Variants in CLVS1 observed in about 807,000 individuals in gnomAD.
CLVS1 encodes clavesin-1.
CLVS1 carries 10 observed loss-of-function variants against 33.1 expected under a neutral mutation model. That is an observed-to-expected ratio of 0.30 (90% confidence interval 0.19 to 0.51). The LOEUF (loss-of-function observed/expected upper bound fraction) is 0.51. Ranked by LOEUF, CLVS1 falls within the 20% of genes least tolerant of loss-of-function variation. CLVS1 has a pLI of 0.97. For synonymous variants in CLVS1, 163 were observed against 166.1 expected (o/e 0.98, Z 0.14); for missense variants, 343 against 433.4 (o/e 0.79, Z 1.85).
chr8:61,072,240 GTCC>G (rs2129280496), intron 1 of CLVS1, among the ~76,000 whole-genome samples: 1 of 152,250 alleles, frequency 6.6e-6, no homozygotes. Flanking sequence ...TGAGGCCTCT[GTCC>G]TCTGTCCACT....
At chr8:61,085,998 T>A (rs1404134304) in intron 1 of CLVS1, among the ~76,000 whole-genome samples, 2 of 118,144 alleles carry the variant, frequency 1.7e-5, no homozygotes, top group Admixed American at 2.4e-4. Flanking sequence ...ATCACGCCAC[T>A]GCACTCCAGC....
intron 3 of CLVS1, among the ~76,000 whole-genome samples, chr8:61,388,728 A>G (rs1324111524): frequency 6.6e-6 from 1 of 152,138 alleles, no homozygotes; most frequent in Non-Finnish European, 1.5e-5. Flanking sequence ...GATCAGGCTA[A>G]TTAGCATATC....
chr8:61,141,088 C>T (rs1806300202), intron 2 of CLVS1, among the ~76,000 whole-genome samples: 1 of 152,170 alleles, frequency 6.6e-6, no homozygotes, highest in East Asian at 1.9e-4. Flanking sequence ...CTGAACTCAT[C>T]TAAATGGGTG....
intron 1 of CLVS1, among the ~76,000 whole-genome samples, chr8:61,114,843 T>G (rs1472419999): frequency 1.3e-5 from 2 of 152,184 alleles, no homozygotes; most frequent in Non-Finnish European, 2.9e-5. Flanking sequence ...TCTCCTTCTA[T>G]TTTTTTGAAA....
At chr8:61,458,667 A>C in intron 5 of CLVS1, 125 bp downstream of exon 5, 2 of 657,650 alleles carry the variant, frequency 3.0e-6, no homozygotes, top group African/African-American at 1.8e-5. Context: ...ATAAATTGCA[A>C]TGCATTCTCA....
chr8:61,208,941 C>T (rs1807917185), intron 2 of CLVS1, among the ~76,000 whole-genome samples: 1 of 152,116 alleles, frequency 6.6e-6, no homozygotes. Context: ...TCCTAAGACA[C>T]AGCTGTGGGC....
the CLVS1 span, among the ~76,000 whole-genome samples, chr8:60,993,386 G>T: frequency 6.6e-6 from 1 of 152,228 alleles, no homozygotes; most frequent in Non-Finnish European, 1.5e-5. Flanking sequence ...CACTCTAGAA[G>T]TGGTTTCAGA....
intron 3 of CLVS1, among the ~76,000 whole-genome samples, chr8:61,399,723 G>A (rs1203718547): frequency 6.6e-6 from 1 of 152,128 alleles, no homozygotes; most frequent in Non-Finnish European, 1.5e-5. Context: ...ATGGTGTAAG[G>A]AATGGGTTCA....
At chr8:61,364,653 A>G (rs1455569989) in intron 2 of CLVS1, among the ~76,000 whole-genome samples, 2 of 152,224 alleles carry the variant, frequency 1.3e-5, no homozygotes, top group East Asian at 1.9e-4. Flanking sequence ...CAGATTCTCT[A>G]AGTTCAATCC....
chr8:61,053,189 T>A (rs1312700754), upstream of CLVS1, among the ~76,000 whole-genome samples: 1 of 151,644 alleles, frequency 6.6e-6, no homozygotes, highest in East Asian at 1.9e-4. Context: ...AGGGGTGGAG[T>A]CTGCAGTGCA....
rs1433450811 is a variant in CLVS1, at chr8:61,443,452, G to A, written c.631-10689G>A. The stretch of plus-strand genomic sequence containing the variant: ...TAAGTCAGGTATTTTTTTGTTTTTT[G>A]TTTTCTCTGTGGATGTCCTATTGCT... On this transcript the variant is annotated intron_variant, in intron 3 of 5. Transcript: ENST00000325897. 3.3e-5 allele frequency among the ~76,000 whole-genome samples: 5 copies of A among 151,442 alleles called. No homozygotes were observed. The East Asian group carries it at 9.6e-4, about 29-fold the overall frequency.
intron 2 of CLVS1, among the ~76,000 whole-genome samples, chr8:61,343,374 A>G (rs993764723): frequency 6.6e-6 from 1 of 152,212 alleles, no homozygotes; most frequent in Non-Finnish European, 1.5e-5. Context: ...AAGTCTAAAG[A>G]ATATAGATGA....
At chr8:61,222,752 ATCTG>A (rs1808244188) in intron 2 of CLVS1, among the ~76,000 whole-genome samples, 3 of 152,152 alleles carry the variant, frequency 2.0e-5, no homozygotes, top group Admixed American at 1.3e-4. Context: ...TGTCTTGTTG[ATCTG>A]TCTAATACTG....
chr8:61,289,667 T>C (rs1331126843), intron 1 of CLVS1, among the ~76,000 whole-genome samples: 1 of 152,246 alleles, frequency 6.6e-6, no homozygotes, highest in African/African-American at 2.4e-5. Flanking sequence ...TCGTTGTGTA[T>C]TTATTCTGCC....
intron 3 of CLVS1, among the ~76,000 whole-genome samples, chr8:61,435,158 G>A (rs1417371312): frequency 6.6e-6 from 1 of 152,148 alleles, no homozygotes; most frequent in Non-Finnish European, 1.5e-5. Flanking sequence ...CCCATGAGAA[G>A]GTTGGTGGGA....
At chr8:61,410,728 G>A (rs148381299) in intron 3 of CLVS1, among the ~76,000 whole-genome samples, 5 of 152,146 alleles carry the variant, frequency 3.3e-5, no homozygotes, top group African/African-American at 7.2e-5. Flanking sequence ...TGCAGCCTCC[G>A]CCTCCTGGGT....
At chr8:61,343,708 G>A (rs564101686) in intron 2 of CLVS1, among the ~76,000 whole-genome samples, 2 of 152,264 alleles carry the variant, frequency 1.3e-5, no homozygotes, top group East Asian at 3.9e-4. Flanking sequence ...GCTGAATATC[G>A]AAGTTCTCAC....
At chr8:61,407,275 T>C (rs1434459022) in intron 3 of CLVS1, among the ~76,000 whole-genome samples, 1 of 152,204 alleles carries the variant, frequency 6.6e-6, no homozygotes, top group Non-Finnish European at 1.5e-5. Flanking sequence ...TGGTCCATCA[T>C]CTGTAATTTC....
intron 3 of CLVS1, among the ~76,000 whole-genome samples, chr8:61,430,794 T>C (rs1816083916): frequency 6.6e-6 from 1 of 152,186 alleles, no homozygotes; most frequent in Admixed American, 6.5e-5. Context: ...TGCACTTGTT[T>C]TGCAGGATCT....
Sources: gnomAD v4.1 joint callset for allele counts (sites outside exome capture counted in the v4.1 genomes callset) on GRCh38, gnomAD v4.1.1 for gene constraint, MANE v1.5 for transcripts, NCBI Gene and HGNC (gene_info 2026-07-23, HGNC 2026-07-21) for gene names.